Variants in LRCH3 observed in about 807,000 individuals in gnomAD.
LRCH3 encodes the protein leucine rich repeats and calponin homology domain containing 3, also known as DISP complex protein LRCH3.
Under a neutral mutation model 104.5 loss-of-function variants are expected in LRCH3, and 68 were observed. The observed-to-expected ratio is 0.65, with a 90% CI of 0.54 to 0.80. The LOEUF (loss-of-function observed/expected upper bound fraction) is 0.80. Ranked by LOEUF, LRCH3 falls within the 30% of genes least tolerant of loss-of-function variation. The pLI is 0.00. For missense variants in LRCH3, 951 were observed against 953.9 expected, an observed-to-expected ratio of 1.00 and a Z score of 0.04; for synonymous variants, 344 against 361.3, an observed-to-expected ratio of 0.95 and a Z score of 0.54.
At chr3:197,871,017 C>T (rs949164947) in intron 18 of LRCH3, among the ~76,000 whole-genome samples, 11 of 151,862 alleles carry the variant, frequency 7.2e-5, no homozygotes, top group African/African-American at 2.4e-4. Flanking sequence ...ATAAATATCA[C>T]ACTTACACAT....
intron 1 of LRCH3, among the ~76,000 whole-genome samples, chr3:197,806,088 G>A (rs1279557445): frequency 6.6e-6 from 1 of 151,748 alleles, no homozygotes; most frequent in African/African-American, 2.4e-5. Context: ...CACCACACCC[G>A]GCTAATTTTG....
At chr3:197,800,479 G>A (rs570147784) in intron 1 of LRCH3, among the ~76,000 whole-genome samples, 69 of 152,180 alleles carry the variant, frequency 4.5e-4, no homozygotes, top group Non-Finnish European at 8.4e-4. Flanking sequence ...AAACCACAGT[G>A]GGTACTACTT....
At chr3:197,827,103 T>G in intron 5 of LRCH3, 89 bp downstream of exon 5, 1 of 1,557,428 alleles carries the variant, frequency 6.4e-7, no homozygotes. Flanking sequence ...AGTGGAAGCA[T>G]CAGGTAAATC....
intron 2 of LRCH3, among the ~76,000 whole-genome samples, chr3:197,815,297 T>C (rs1733679365): frequency 6.6e-6 from 1 of 152,208 alleles, no homozygotes; most frequent in Non-Finnish European, 1.5e-5. Context: ...CCCATCTAAG[T>C]TGAAAATGCA....
At chr3:197,864,307 A>G (rs1047847898) in intron 15 of LRCH3, among the ~76,000 whole-genome samples, 2 of 136,182 alleles carry the variant, frequency 1.5e-5, no homozygotes, top group African/African-American at 6.7e-5. Flanking sequence ...ACTCCATCTC[A>G]AAAATAAAAA....
At chr3:197,799,650 T>C (rs1271168971) in intron 1 of LRCH3, among the ~76,000 whole-genome samples, 15 of 151,070 alleles carry the variant, frequency 9.9e-5, no homozygotes, top group Admixed American at 9.9e-4. Flanking sequence ...GTGGATCACC[T>C]GAGATCAGGA....
chr3:197,824,837 T>A (rs374172857), intron 4 of LRCH3, among the ~76,000 whole-genome samples: 43 of 152,116 alleles, frequency 2.8e-4, no homozygotes, highest in African/African-American at 1.0e-3. Context: ...CCCAAAGTGC[T>A]GGGATTACAG....
At chr3:197,811,980 T>C (rs563490855) in intron 1 of LRCH3, among the ~76,000 whole-genome samples, 1 of 152,338 alleles carries the variant, frequency 6.6e-6, no homozygotes, top group African/African-American at 2.4e-5. Context: ...GCAGATTACA[T>C]TTCTTTTCTA....
Position 197,852,600 on chromosome 3 carries a change from CTAGATGGCG to C in LRCH3, c.1578_1586del (p.Val527_Gly529del). 1 of 1,614,100 alleles carries C rather than the reference CTAGATGGCG, an allele frequency of 6.2e-7. No individual in the cohort carries two copies. Among genetic ancestry groups the C allele is most frequent in the Non-Finnish European group, 8.5e-7 (1 of 1,179,990 alleles). On this transcript the variant is annotated inframe_deletion, in exon 13 of 21. Transcript: ENST00000425562. ...AAGTCCACAAAAACAGCACCCGCTCCTAGATGGCGTAGATGGTGAGGTAAGTTGATGTAA... is the reference window on the plus strand; with the variant it reads ...AAGTCCACAAAAACAGCACCCGCTCCTAGATGGTGAGGTAAGTTGATGTAA...
At chr3:197,864,799 T>A (rs1741290176) in intron 15 of LRCH3, among the ~76,000 whole-genome samples, 1 of 150,266 alleles carries the variant, frequency 6.7e-6, no homozygotes, top group South Asian at 2.1e-4. Context: ...GGCGGGTGCA[T>A]CGCTTGAGCT....
At chr3:197,840,650 T>C (rs967424015) in intron 10 of LRCH3, among the ~76,000 whole-genome samples, 2 of 152,140 alleles carry the variant, frequency 1.3e-5, no homozygotes, top group Non-Finnish European at 2.9e-5. Context: ...ATTTACGTAG[T>C]TCTTATACTT....
chr3:197,797,859 CAAAAA>C (rs749696923), intron 1 of LRCH3, among the ~76,000 whole-genome samples: 23 of 23,204 alleles, frequency 9.9e-4, no homozygotes, highest in African/African-American at 1.9e-3. Flanking sequence ...GACTCCATCT[CAAAAA>C]AAAAAAAAAC....
At chr3:197,844,213 G>T (rs565994461) in intron 10 of LRCH3, among the ~76,000 whole-genome samples, 89 of 152,256 alleles carry the variant, frequency 5.8e-4, no homozygotes, top group African/African-American at 2.0e-3. Context: ...TTCTGCTGTG[G>T]TTATGTTCTA....
At chr3:197,871,504 A>G (rs754693968) in intron 19 of LRCH3, 42 bp downstream of exon 19, 5 of 1,607,786 alleles carry the variant, frequency 3.1e-6, no homozygotes, top group Non-Finnish European at 4.3e-6. Context: ...TTCATCAGAC[A>G]TTTGTTAAGC....
rs929649350 is a variant in LRCH3 at position 197,887,185 on chromosome 3, G to T, written c.*3519G>T. ...TGATGCTTTTGTTGGGAGAATTTTT[G>T]TATTCAGTATTTTGTATGTACCTTT... On this transcript the variant is annotated 3_prime_UTR_variant, in exon 21 of 21. Transcript: ENST00000425562. The T allele has an allele frequency of 2.6e-5, 4 of 151,510 alleles. No homozygotes were observed. The highest frequency in any genetic ancestry group is 6.6e-5 in the Admixed American group (1 of 15,224). The allele number at this position is 151,510 out of a possible 1,614,324, so 9.4% of individuals were successfully genotyped here.
In LRCH3 at chr3:197,885,737, C is replaced by T. The variant is rs1223461006; in HGVS notation, c.*2071C>T. The T allele has an allele frequency of 2.0e-5, 3 of 152,258 alleles. No homozygotes were observed. The highest frequency in any genetic ancestry group is 2.9e-5 in the Non-Finnish European group (2 of 68,052). The allele number at this position is 152,258 out of a possible 1,614,324, so 9.4% of individuals were successfully genotyped here. ...CTTTACTCAAGTTTCAGCTAGTTTT[C>T]CTTCCCCTGCATTTTGAACTCCTTT... is the stretch of plus-strand genomic sequence containing the variant. On this transcript the variant is annotated 3_prime_UTR_variant, in exon 21 of 21. Coordinates refer to ENST00000425562, the MANE Select transcript of LRCH3 (RefSeq NM_001365715.1).
chr3:197,831,736 ACCT>A lies in LRCH3; in HGVS notation c.982-457_982-455del, dbSNP rs1447937010. Among the ~76,000 whole-genome samples, 11 of 150,054 alleles carry A rather than the reference ACCT, an allele frequency of 7.3e-5. No individual in the cohort carries two copies. The East Asian group carries it at 2.2e-3, about 30-fold the overall frequency. ...TGGCTCAAGCAGTCCTCCCACCTAAACCTCCTGAGTAGCTGGGACTACAGGCTT... is the reference window on the plus strand; with the variant it reads ...TGGCTCAAGCAGTCCTCCCACCTAAACCTGAGTAGCTGGGACTACAGGCTT... On this transcript the variant is annotated intron_variant, in intron 7 of 20. Transcript: ENST00000425562.
At chr3:197,823,096 T>TCTCCTGCC (rs1560542339) in intron 4 of LRCH3, 1 of 146,396 alleles carries the variant, frequency 6.8e-6, no homozygotes, top group African/African-American at 2.5e-5. Flanking sequence ...TAGCTGGGAT[T>TCTCCTGCC]ACAGGTGCCC....
In LRCH3 at chr3:197,887,645, C is replaced by A. The variant is rs1328132974; in HGVS notation, c.*3979C>A. ...CACTGACAGTGTCTGGGGCTGAGAG[C>A]CCCCCCTAGCAGAGCCCTTCCCATC... On this transcript the variant is annotated 3_prime_UTR_variant, in exon 21 of 21. Coordinates refer to ENST00000425562, the MANE Select transcript of LRCH3 (RefSeq NM_001365715.1). 1 of 120,858 alleles carries A rather than the reference C, an allele frequency of 8.3e-6. No individual in the cohort carries two copies. The highest frequency in any genetic ancestry group is 1.7e-5 in the Non-Finnish European group (1 of 58,936). The allele number at this position is 120,858 out of a possible 1,614,324, so 7.5% of individuals were successfully genotyped here.
Sources: gnomAD v4.1 joint callset for allele counts (sites outside exome capture counted in the v4.1 genomes callset) on GRCh38, gnomAD v4.1.1 for gene constraint, MANE v1.5 for transcripts, NCBI Gene and HGNC (gene_info 2026-07-23, HGNC 2026-07-21) for gene names.